DNAH17: variants seen among roughly 807,000 people sequenced by gnomAD.
DNAH17 encodes dynein axonemal heavy chain 17, also known as axonemal beta dynein heavy chain 17.
Under a neutral mutation model 485.6 loss-of-function variants are expected in DNAH17, and 376 were observed. The ratio of observed to expected loss-of-function variants is 0.77; its 90% CI spans 0.71 to 0.84. The LOEUF (loss-of-function observed/expected upper bound fraction) is 0.84, where lower values mean the gene tolerates loss of function less well. Among genes scored for constraint, DNAH17 ranks in the 40% least tolerant of loss-of-function variants. DNAH17 has a pLI of 0.00. For missense variants in DNAH17, 6,370 were observed against 5,839.3 expected (o/e 1.09, Z -2.96); for synonymous variants, 3,031 against 2,405.9 (o/e 1.26, Z -7.60).
intron 16 of DNAH17, among the ~76,000 whole-genome samples, chr17:78,549,798 G>A (rs1430993903): frequency 2.0e-5 from 3 of 152,100 alleles, no homozygotes; most frequent in African/African-American, 7.2e-5. Flanking sequence ...CCCGTCTCCT[G>A]CTCGCTCCCC....
At chr17:78,554,842 G>A (rs537769321) in intron 14 of DNAH17, among the ~76,000 whole-genome samples, 105 of 152,328 alleles carry the variant, frequency 6.9e-4, no homozygotes, top group Admixed American at 6.5e-3. Context: ...CGCCTGCCAG[G>A]TTCAAGCGAT....
chr17:78,568,400 C>T (rs2092302182), intron 9 of DNAH17, among the ~76,000 whole-genome samples: 1 of 152,184 alleles, frequency 6.6e-6, no homozygotes, highest in Admixed American at 6.5e-5. Flanking sequence ...ATGGTGTCCA[C>T]CCTTAAGTCA....
At chr17:78,452,328 C>T (rs757144061) in intron 65 of DNAH17, among the ~76,000 whole-genome samples, 5 of 152,158 alleles carry the variant, frequency 3.3e-5, no homozygotes, top group Non-Finnish European at 5.9e-5. Context: ...GCAAGCTCCA[C>T]GCATCAGCTG....
rs771408800 is a variant in DNAH17, at chr17:78,574,799, T to C, written c.259A>G (p.Ile87Val). ...VYFIKTKSEN[I>V]NKDNYRARLL... ...CGGGCCCTGTAGTTGTCCTTGTTGA[T>C]GTTCTCGGACTTTGTCTTGATGAAG... The change falls in exon 2 of 81, where the codon ATC becomes GTC. Residue 87 changes from isoleucine (I) to valine (V), a missense_variant. Physicochemically the swap from Ile to Val is conservative, Grantham distance 29. Coordinates refer to ENST00000389840, the MANE Select transcript of DNAH17 (RefSeq NM_173628.4). 1.9e-6 allele frequency: 3 copies of C among 1,613,904 alleles called. No homozygotes were observed. The highest frequency in any genetic ancestry group is 1.3e-5 in the African/African-American group (1 of 74,936).
In DNAH17 at chr17:78,568,116, G is replaced by GT. The variant is rs201913102; in HGVS notation, c.1285-951dup. ...GGACACAGACAAGCTGGCATGGCCT[G>GT]TTGTCAGGGGGTGGACAGCAAAGCC... On this transcript the variant is annotated intron_variant, in intron 9 of 80. Coordinates refer to ENST00000389840, the MANE Select transcript of DNAH17 (RefSeq NM_173628.4). 6.9e-3 allele frequency among the ~76,000 whole-genome samples: 1,054 copies of GT among 152,322 alleles called. 13 individuals carry two copies. Among genetic ancestry groups the GT allele is most frequent in the African/African-American group, 0.024 (1,006 of 41,572 alleles).
At chr17:78,474,089 G>T (rs2088898745) in intron 54 of DNAH17, among the ~76,000 whole-genome samples, 1 of 152,214 alleles carries the variant, frequency 6.6e-6, no homozygotes, top group Admixed American at 6.5e-5. Flanking sequence ...GCCGTCCCTG[G>T]CACAGCCTGC....
chr17:78,504,987 C>T lies in DNAH17; in HGVS notation c.4956+306G>A, dbSNP rs142607043. On this transcript the variant is annotated intron_variant, in intron 31 of 80. Coordinates refer to ENST00000389840, the MANE Select transcript of DNAH17 (RefSeq NM_173628.4). The stretch of plus-strand genomic sequence containing the variant: ...GTGGCGCGATCTTGGCTCACGGCAA[C>T]CTCTGCCTCCCGGGTTCAAGCGATT... Among the ~76,000 whole-genome samples the T allele has an allele frequency of 4.1e-3, 604 of 145,818 alleles. 3 individuals carry two copies. Among genetic ancestry groups the T allele is most frequent in the African/African-American group, 0.015 (575 of 39,050 alleles).
intron 74 of DNAH17, 91 bp from the exon 75 acceptor site, chr17:78,434,311 A>T: frequency 3.1e-6 from 4 of 1,272,820 alleles, no homozygotes; most frequent in Non-Finnish European, 4.3e-6. Context: ...AGCCCTTGCC[A>T]GATGCTTTGC....
At chr17:78,544,421 G>A (rs1053573995) in intron 16 of DNAH17, among the ~76,000 whole-genome samples, 7 of 152,286 alleles carry the variant, frequency 4.6e-5, no homozygotes, top group South Asian at 2.1e-4. Context: ...TTTTGTGGGG[G>A]CCACTGATCT....
At chr17:78,513,195 C>A (rs2090682770) in intron 26 of DNAH17, among the ~76,000 whole-genome samples, 1 of 152,108 alleles carries the variant, frequency 6.6e-6, no homozygotes, top group Non-Finnish European at 1.5e-5. Flanking sequence ...CATTATACCC[C>A]CCTCCCTTTG....
Position 78,428,520 on chromosome 17 carries a change from C to G in DNAH17, c.12588+5G>C. 2 of 1,591,914 alleles carry G rather than the reference C, an allele frequency of 1.3e-6. No homozygotes were observed. The highest frequency in any genetic ancestry group is 1.7e-6 in the Non-Finnish European group (2 of 1,169,350). On this transcript the variant is annotated splice_donor_5th_base_variant and intron_variant, in intron 77 of 80. Transcript: ENST00000389840. Reference sequence around the variant, plus strand: ...CTCGCTTGGGAGCAGTTTCAAAGATCCTGCCTTCTCCTCGCGGGACACTCC... The same window carrying G: ...CTCGCTTGGGAGCAGTTTCAAAGATGCTGCCTTCTCCTCGCGGGACACTCC...
At chr17:78,505,227 C>A in intron 31 of DNAH17, 66 bp downstream of exon 31, 1 of 1,591,174 alleles carries the variant, frequency 6.3e-7, no homozygotes, top group Non-Finnish European at 8.6e-7. Context: ...CATCTGAGGG[C>A]GTGTGGCCCA....
At chr17:78,487,324 T>TA (rs1265878015) in intron 44 of DNAH17, among the ~76,000 whole-genome samples, 1 of 152,194 alleles carries the variant, frequency 6.6e-6, no homozygotes, top group African/African-American at 2.4e-5. Context: ...CTGATATTTT[T>TA]AAAGCTCAGA....
intron 65 of DNAH17, among the ~76,000 whole-genome samples, chr17:78,452,626 T>A (rs1160196841): frequency 6.6e-6 from 1 of 152,112 alleles, no homozygotes; most frequent in Non-Finnish European, 1.5e-5. Context: ...TAATCCCAGC[T>A]ACTTGGGAGG....
Position 78,512,414 on chromosome 17 carries a change from G to A in DNAH17, c.4114-1908C>T, listed in dbSNP as rs376578239. The stretch of plus-strand genomic sequence containing the variant: ...CGCTTGAAGGTGGCACCCTCCTCTA[G>A]GTCTCAGGATCATCACTAAATATCT... On this transcript the variant is annotated intron_variant, in intron 26 of 80. Coordinates refer to ENST00000389840, the MANE Select transcript of DNAH17 (RefSeq NM_173628.4). Among the ~76,000 whole-genome samples, 66 of 152,288 alleles carry A rather than the reference G, an allele frequency of 4.3e-4. 1 individual carries two copies. Among genetic ancestry groups the A allele is most frequent in the African/African-American group, 1.4e-3 (60 of 41,560 alleles).
intron 16 of DNAH17, among the ~76,000 whole-genome samples, chr17:78,544,800 C>CAAAAAAAAAAAAAAAAAAAAAAAAAAA (rs55669221): frequency 1.5e-4 from 7 of 46,876 alleles, no homozygotes; most frequent in East Asian, 1.2e-3. Flanking sequence ...GACTCAGTCT[C>CAAAAAAAAAAAAAAAAAAAAAAAAAAA]AAAAAAAAAA....
At chr17:78,444,246 T>C (rs1444874621) in intron 71 of DNAH17, among the ~76,000 whole-genome samples, 1 of 152,160 alleles carries the variant, frequency 6.6e-6, no homozygotes, top group African/African-American at 2.4e-5. Context: ...TTACTTTCAA[T>C]GTAGGAGGCT....
chr17:78,510,000 G>A (rs1421566909), intron 27 of DNAH17, among the ~76,000 whole-genome samples: 3 of 152,092 alleles, frequency 2.0e-5, no homozygotes, highest in Non-Finnish European at 4.4e-5. Flanking sequence ...TGGCCAACAT[G>A]GTGAAACCCC....
chr17:78,551,861 G>A (rs2091909561), intron 15 of DNAH17, among the ~76,000 whole-genome samples: 1 of 151,922 alleles, frequency 6.6e-6, no homozygotes, highest in African/African-American at 2.4e-5. Context: ...TACTCGGGAG[G>A]CTGAGGCAGT....
Sources: allele counts gnomAD v4.1 joint callset (sites outside exome capture counted in the v4.1 genomes callset), GRCh38; gene constraint gnomAD v4.1.1; transcripts MANE v1.5; gene names NCBI Gene and HGNC (gene_info 2026-07-23, HGNC 2026-07-21).